The following TSHZ1 variants were observed in gnomAD, a reference collection of about 807,000 sequenced individuals.
TSHZ1 encodes the protein teashirt homolog 1.
TSHZ1 carries 12 observed loss-of-function variants against 67.1 expected under a neutral mutation model. The observed-to-expected ratio is 0.18, with a 90% CI of 0.11 to 0.29. The LOEUF is 0.29. Among genes scored for constraint, TSHZ1 ranks in the 10% least tolerant of loss-of-function variants. TSHZ1 has a pLI of 1.00. For synonymous variants in TSHZ1, 632 were observed against 622.4 expected, an observed-to-expected ratio of 1.02 and a Z score of -0.23; for missense variants, 1,305 against 1,413.9, an observed-to-expected ratio of 0.92 and a Z score of 1.23.
intron 1 of TSHZ1, among the ~76,000 whole-genome samples, chr18:75,228,646 A>G (rs2022956452): frequency 6.6e-6 from 1 of 152,226 alleles, no homozygotes. Flanking sequence ...AATTAATATC[A>G]GTCTTTTTCA....
chr18:75,230,656 A>G (rs1235868797), intron 1 of TSHZ1, among the ~76,000 whole-genome samples: 1 of 152,214 alleles, frequency 6.6e-6, no homozygotes, highest in Non-Finnish European at 1.5e-5. Context: ...GTCAGTCACC[A>G]CACGCAGGTA....
At chr18:75,232,224 A>G (rs556566631) in intron 1 of TSHZ1, among the ~76,000 whole-genome samples, 1 of 152,250 alleles carries the variant, frequency 6.6e-6, no homozygotes, top group South Asian at 2.1e-4. Flanking sequence ...TTTTTTTAGT[A>G]ATTGAGGCTA....
At chr18:75,256,004 C>CTATTT in intron 1 of TSHZ1, among the ~76,000 whole-genome samples, 1 of 152,056 alleles carries the variant, frequency 6.6e-6, no homozygotes, top group Admixed American at 6.5e-5. Context: ...GGGATATTGG[C>CTATTT]CAAGGCAAGA....
intron 1 of TSHZ1, among the ~76,000 whole-genome samples, chr18:75,242,989 C>T (rs1450943593): frequency 6.6e-6 from 1 of 152,192 alleles, no homozygotes; most frequent in Non-Finnish European, 1.5e-5. Flanking sequence ...GGTGCACACA[C>T]TGGGGGTGCT....
rs142600131 is a variant in TSHZ1, at chr18:75,255,954, C to T, written c.41-29494C>T. ...TTACTTAATGAAGGTGAATTATTAACTTAATTTATTAGGAATTTAATTTCG... is the reference window on the plus strand; with the variant it reads ...TTACTTAATGAAGGTGAATTATTAATTTAATTTATTAGGAATTTAATTTCG... On this transcript the variant is annotated intron_variant, in intron 1 of 1. Coordinates refer to ENST00000580243, the MANE Select transcript of TSHZ1 (RefSeq NM_001308210.2). 1.4e-3 allele frequency among the ~76,000 whole-genome samples: 220 copies of T among 152,250 alleles called. 1 individual carries two copies. The highest frequency in any genetic ancestry group is 4.8e-3 in the African/African-American group (199 of 41,528).
intron 1 of TSHZ1, among the ~76,000 whole-genome samples, chr18:75,272,750 T>C (rs1284578447): frequency 1.3e-5 from 2 of 152,216 alleles, no homozygotes; most frequent in African/African-American, 4.8e-5. Flanking sequence ...AATCCAAGTA[T>C]GTTAATGTGG....
At chr18:75,212,005 C>A in intron 1 of TSHZ1, 89 bp downstream of exon 1, 1 of 1,034,612 alleles carries the variant, frequency 9.7e-7, no homozygotes, top group Non-Finnish European at 1.2e-6. Context: ...GGGACGTGGG[C>A]CGCGGGCCGC....
chr18:75,261,363 A>G (rs1209756011), intron 1 of TSHZ1, among the ~76,000 whole-genome samples: 1 of 152,218 alleles, frequency 6.6e-6, no homozygotes, highest in Non-Finnish European at 1.5e-5. Flanking sequence ...GACAACAGTC[A>G]CCTCTTTACA....
Position 75,285,988 on chromosome 18 carries a change from G to C in TSHZ1, c.581G>C (p.Ser194Thr). The part of the protein sequence containing the change: ...SHSSTTSTSS[S>T]SGYDWHQAAL... ...AGCAGTACCACCAGTACCAGCAGCA[G>C]CTCCGGGTACGACTGGCACCAGGCT... The change falls in exon 2 of 2, where the codon AGC (serine) becomes ACC (threonine). Residue 194 changes from serine to threonine, a missense_variant. Coordinates refer to ENST00000580243, the MANE Select transcript of TSHZ1 (RefSeq NM_001308210.2). 6.2e-7 allele frequency: 1 copy of C among 1,601,550 alleles called. No individual in the cohort carries two copies. The highest frequency in any genetic ancestry group is 1.1e-5 in the South Asian group (1 of 89,456).
chr18:75,263,650 T>C (rs774908171), intron 1 of TSHZ1, among the ~76,000 whole-genome samples: 5 of 152,234 alleles, frequency 3.3e-5, no homozygotes, highest in Non-Finnish European at 5.9e-5. Flanking sequence ...ATTTTTTGTT[T>C]GTTATGTTGT....
chr18:75,280,550 G>T (rs2023672308), intron 1 of TSHZ1, among the ~76,000 whole-genome samples: 2 of 152,200 alleles, frequency 1.3e-5, no homozygotes, highest in Non-Finnish European at 2.9e-5. Context: ...AGTGGCAAAG[G>T]GGAAAGACCA....
In TSHZ1 at chr18:75,228,161, G is replaced by T. The variant is rs142870351; in HGVS notation, c.40+16245G>T. On this transcript the variant is annotated intron_variant, in intron 1 of 1. Coordinates refer to ENST00000580243, the MANE Select transcript of TSHZ1 (RefSeq NM_001308210.2). ...TTTTTTCAAAGCTCAACTCACTATA[G>T]CGTGATTTACTTTTCTTACTGCAAG... Among the ~76,000 whole-genome samples, 163 of 152,300 alleles carry T rather than the reference G, an allele frequency of 1.1e-3. 2 individuals carry two copies. The highest frequency in any genetic ancestry group is 3.8e-3 in the African/African-American group (156 of 41,550).
chr18:75,213,612 T>G (rs938304900), intron 1 of TSHZ1, among the ~76,000 whole-genome samples: 2 of 150,348 alleles, frequency 1.3e-5, no homozygotes, highest in African/African-American at 5.0e-5. Context: ...TACTGCAACT[T>G]TAAATACCAC....
chr18:75,277,299 A>T lies in TSHZ1; in HGVS notation c.41-8149A>T, dbSNP rs533054594. Among the ~76,000 whole-genome samples the T allele has an allele frequency of 4.0e-4, 61 of 152,320 alleles. 1 individual carries two copies. The highest frequency in any genetic ancestry group is 1.4e-3 in the African/African-American group (57 of 41,576). ...CATTGTTCCCATTTATTTGAGTGGC[A>T]TGAAGCTAAGCAGGTTCCCATAGCC... On this transcript the variant is annotated intron_variant, in intron 1 of 1. Transcript: ENST00000580243.
intron 1 of TSHZ1, among the ~76,000 whole-genome samples, chr18:75,265,759 A>G (rs1256236469): frequency 1.3e-5 from 2 of 152,204 alleles, no homozygotes; most frequent in Non-Finnish European, 2.9e-5. Context: ...CAAGCTCAGA[A>G]ATGCAGAAAT....
rs1461689441 is a variant in TSHZ1, at chr18:75,285,654, G to A, written c.247G>A (p.Asp83Asn). 4.3e-6 allele frequency: 7 copies of A among 1,613,898 alleles called. No homozygotes were observed. Among genetic ancestry groups the A allele is most frequent in the Admixed American group, 1.7e-5 (1 of 60,006 alleles). Residue 83 changes from aspartate (D) to asparagine (N), a missense_variant, in exon 2 of 2, where the codon GAC (aspartate) becomes AAC (asparagine). Around this residue, in one of 3 missense-constraint regions of TSHZ1, gnomAD observed 358 missense variants for 375.6 expected, o/e 0.95. Coordinates refer to ENST00000580243, the MANE Select transcript of TSHZ1 (RefSeq NM_001308210.2). ...GYGSPFSESS[D>N]QLAHFKGSSS... ...CGGGTCGCCCTTCAGTGAGAGCAGC[G>A]ACCAGCTAGCCCATTTCAAAGGCTC...
intron 1 of TSHZ1, among the ~76,000 whole-genome samples, chr18:75,218,938 C>G (rs1342315268): frequency 6.6e-6 from 1 of 151,824 alleles, no homozygotes; most frequent in Non-Finnish European, 1.5e-5. Flanking sequence ...TTTTTTTACT[C>G]AAATTTTTTT....
At chr18:75,277,564 C>T (rs1467960670) in intron 1 of TSHZ1, among the ~76,000 whole-genome samples, 1 of 152,070 alleles carries the variant, frequency 6.6e-6, no homozygotes, top group Non-Finnish European at 1.5e-5. Flanking sequence ...GTGAGGAGGG[C>T]CTGCCTCCTG....
intron 1 of TSHZ1, among the ~76,000 whole-genome samples, chr18:75,267,400 G>A (rs1235281560): frequency 6.6e-6 from 1 of 152,200 alleles, no homozygotes; most frequent in Non-Finnish European, 1.5e-5. Context: ...TTCTTCAGAG[G>A]TTTGGCATAT....
Sources: allele counts gnomAD v4.1 joint callset (sites outside exome capture counted in the v4.1 genomes callset), GRCh38; gene constraint gnomAD v4.1.1; regional missense constraint gnomAD v4.1.1; transcripts MANE v1.5; gene names NCBI Gene and HGNC (gene_info 2026-07-23, HGNC 2026-07-21).